Variants in PROM1 observed in about 807,000 individuals in gnomAD.
PROM1 encodes the protein prominin 1.
PROM1 carries 105 observed loss-of-function variants against 116.9 expected under a neutral mutation model. That is an observed-to-expected ratio of 0.90 (90% confidence interval 0.77 to 1.06). PROM1 has a LOEUF of 1.06. Ranked by LOEUF, PROM1 falls within the 50% of genes least tolerant of loss-of-function variation. The pLI is 0.00. For missense variants in PROM1, 1,122 were observed against 1,045.2 expected (o/e 1.07, Z -1.01); for synonymous variants, 393 against 387.0 (o/e 1.02, Z -0.18).
intron 11 of PROM1, among the ~76,000 whole-genome samples, chr4:16,012,916 T>G (rs1292469780): frequency 2.6e-5 from 4 of 151,542 alleles, no homozygotes; most frequent in Non-Finnish European, 5.9e-5. Flanking sequence ...CTTAAGTTTG[T>G]TTAGAAAATA....
At position 15,968,249 on chromosome 4, in the gene PROM1, T is replaced by C. The variant is rs767051592; in HGVS notation, c.*1144A>G. On this transcript the variant is annotated 3_prime_UTR_variant, in exon 28 of 28. Transcript: ENST00000447510. ...ACCATGTTTTCCAAGTTCCTTTTTA[T>C]TCAAATGAATCAGAACTGCAATCTG... 1.3e-5 allele frequency: 2 copies of C among 152,356 alleles called. No homozygotes were observed. Among genetic ancestry groups the C allele is most frequent in the East Asian group, 3.9e-4 (2 of 5,190 alleles). The allele number at this position is 152,356 out of a possible 1,614,324, so 9.4% of individuals were successfully genotyped here. A position where few individuals can be genotyped will look rare whatever the true frequency, so the allele number is the denominator to read the frequency against.
At chr4:16,019,906 A>C (rs1325913534) in intron 8 of PROM1, among the ~76,000 whole-genome samples, 1 of 151,274 alleles carries the variant, frequency 6.6e-6, no homozygotes, top group African/African-American at 2.4e-5. Flanking sequence ...ACATTTTAAA[A>C]ATGTTTCCGT....
chr4:15,996,819 T>C (rs920591767), intron 15 of PROM1, among the ~76,000 whole-genome samples: 1 of 152,130 alleles, frequency 6.6e-6, no homozygotes, highest in Non-Finnish European at 1.5e-5. Context: ...TCTGAGAGAA[T>C]AATAAGAACA....
chr4:16,008,484 C>G (rs944766250), intron 12 of PROM1, among the ~76,000 whole-genome samples: 5 of 152,158 alleles, frequency 3.3e-5, no homozygotes, highest in African/African-American at 1.2e-4. Context: ...ATTTTATAAA[C>G]CAATGTTTAT....
At chr4:16,027,390 A>G (rs1731600015) in intron 5 of PROM1, among the ~76,000 whole-genome samples, 1 of 152,144 alleles carries the variant, frequency 6.6e-6, no homozygotes, top group Non-Finnish European at 1.5e-5. Context: ...CTAGACCATG[A>G]CAAGTCAGGC....
Position 16,006,684 on chromosome 4 carries a change from C to T in PROM1, c.1308G>A (p.Leu436=). The change falls in exon 13 of 28, where the codon CTG becomes CTA. Residue 436 remains leucine (L), a synonymous_variant. Coordinates refer to ENST00000447510, the MANE Select transcript of PROM1 (RefSeq NM_006017.3). The part of the protein sequence containing the change: ...TLEEYDSYWW[L]GGLVICSLLT... ...GCAGAGAGCAGATGACCAGGCCACC[C>T]AGCCACCTGGAGAGGCAAGCACAGT... 1 of 1,612,902 alleles carries T rather than the reference C, an allele frequency of 6.2e-7. No individual in the cohort carries two copies. The highest frequency in any genetic ancestry group is 8.5e-7 in the Non-Finnish European group (1 of 1,179,556).
rs188191068 is a variant in PROM1 at position 16,064,429 on chromosome 4, C to T, written c.220+11258G>A. Among the ~76,000 whole-genome samples the T allele has an allele frequency of 1.2e-4, 18 of 152,220 alleles. No individual in the cohort carries two copies. In the East Asian group the frequency reaches 1.9e-3, roughly 16 times the overall value. On this transcript the variant is annotated intron_variant, in intron 2 of 27. Coordinates refer to ENST00000447510, the MANE Select transcript of PROM1 (RefSeq NM_006017.3). ...TCTATACTACGGAAAGTCAGGCGGG[C>T]GTTACCCTTGGGAGGAGGCAGGAGA...
At chr4:16,016,748 G>A (rs1728497151) in intron 9 of PROM1, among the ~76,000 whole-genome samples, 1 of 152,110 alleles carries the variant, frequency 6.6e-6, no homozygotes, top group South Asian at 2.1e-4. Flanking sequence ...TAGTTCCCTG[G>A]CAAATATGAG....
chr4:16,018,653 A>T (rs1729041122), intron 8 of PROM1, 113 bp from the exon 9 acceptor site: 1 of 884,008 alleles, frequency 1.1e-6, no homozygotes, highest in African/African-American at 1.7e-5. Flanking sequence ...TGGCAGTGAG[A>T]GGGACACACT....
chr4:15,989,933 T>C, intron 18 of PROM1, 109 bp from the exon 19 acceptor site: 1 of 823,966 alleles, frequency 1.2e-6, no homozygotes, highest in Non-Finnish European at 2.0e-6. Context: ...GACATAAGCA[T>C]GCAATGATGG....
In PROM1 at chr4:15,993,495, G is replaced by A. The variant is rs187384267; in HGVS notation, c.1767+492C>T. Among the ~76,000 whole-genome samples the A allele has an allele frequency of 9.7e-4, 147 of 152,246 alleles. 1 individual carries two copies. Among genetic ancestry groups the A allele is most frequent in the Non-Finnish European group, 1.6e-3 (109 of 68,022 alleles). On this transcript the variant is annotated intron_variant, in intron 16 of 27. Coordinates refer to ENST00000447510, the MANE Select transcript of PROM1 (RefSeq NM_006017.3). ...GCAAAAGAAAAGAGGAGGTTCTGTC[G>A]GCTTCCATCCTTTGCTTTAGTTCAC... is the stretch of plus-strand genomic sequence containing the variant.
chr4:16,016,472 A>T (rs965372569), intron 9 of PROM1, among the ~76,000 whole-genome samples: 21 of 152,236 alleles, frequency 1.4e-4, no homozygotes, highest in African/African-American at 5.1e-4. Flanking sequence ...AGCTAAAAAA[A>T]AGAGGCAAAG....
chr4:16,048,129 A>C (rs1736960727), intron 2 of PROM1, among the ~76,000 whole-genome samples: 1 of 152,166 alleles, frequency 6.6e-6, no homozygotes, highest in Admixed American at 6.5e-5. Flanking sequence ...TGTGTTCATT[A>C]TTTATAATGA....
chr4:15,973,822 C>CT (rs1034967762), intron 26 of PROM1, among the ~76,000 whole-genome samples: 3 of 152,116 alleles, frequency 2.0e-5, no homozygotes, highest in African/African-American at 7.2e-5. Context: ...CCCTGGCTAG[C>CT]TGTAGAGACC....
intron 2 of PROM1, 96 bp from the exon 3 acceptor site, chr4:16,039,097 T>C (rs1734596465): frequency 3.1e-6 from 3 of 966,898 alleles, no homozygotes; most frequent in East Asian, 6.8e-5. Context: ...AAAATTATTA[T>C]ACCTATATTT....
intron 2 of PROM1, among the ~76,000 whole-genome samples, chr4:16,073,512 G>T (rs1054616112): frequency 1.3e-5 from 2 of 152,130 alleles, no homozygotes; most frequent in African/African-American, 2.4e-5. Flanking sequence ...GTAACTAGGT[G>T]AAAGAATACA....
intron 2 of PROM1, chr4:16,055,308 G>T (rs1021473156): frequency 6.7e-6 from 3 of 445,384 alleles, no homozygotes; most frequent in Admixed American, 2.4e-5. Flanking sequence ...GCTGAGGCAG[G>T]AGGATCACTT....
intron 2 of PROM1, among the ~76,000 whole-genome samples, chr4:16,060,110 A>G (rs1350959025): frequency 6.6e-6 from 1 of 152,172 alleles, no homozygotes; most frequent in African/African-American, 2.4e-5. Context: ...GTTGCCTATA[A>G]AGGGAGGCGG....
At chr4:15,999,804 G>GA (rs1391797034) in intron 14 of PROM1, among the ~76,000 whole-genome samples, 1 of 151,190 alleles carries the variant, frequency 6.6e-6, no homozygotes, top group Non-Finnish European at 1.5e-5. Flanking sequence ...TATATACAAT[G>GA]AAAGAGTGAA....
Sources: allele counts gnomAD v4.1 joint callset (sites outside exome capture counted in the v4.1 genomes callset), GRCh38; gene constraint gnomAD v4.1.1; transcripts MANE v1.5; gene names NCBI Gene and HGNC (gene_info 2026-07-23, HGNC 2026-07-21).